The following SYT1 variants were observed in gnomAD, a reference collection of about 807,000 sequenced individuals.
The protein encoded by SYT1 is synaptotagmin 1, also known as synaptotagmin-1.
In SYT1, 8 loss-of-function variants were observed where a neutral mutation model predicts 44.8. The observed-to-expected ratio is 0.18, with a 90% confidence interval of 0.10 to 0.32. The LOEUF (loss-of-function observed/expected upper bound fraction) is 0.32, where lower values mean the gene tolerates loss of function less well. Ranked by LOEUF, SYT1 falls within the 10% of genes least tolerant of loss-of-function variation. The pLI is 1.00. For missense variants in SYT1, 286 were observed against 509.3 expected (o/e 0.56, Z 4.22); for synonymous variants, 154 against 188.8 (o/e 0.82, Z 1.51).
At chr12:79,087,584 T>A (rs1212452141) in intron 3 of SYT1, among the ~76,000 whole-genome samples, 3 of 152,012 alleles carry the variant, frequency 2.0e-5, no homozygotes, top group Non-Finnish European at 4.4e-5. Context: ...GAGGGGAAGC[T>A]TTGCAGGCAA....
intron 8 of SYT1, among the ~76,000 whole-genome samples, chr12:79,314,205 T>G (rs1565904636): frequency 1.3e-5 from 2 of 151,816 alleles, no homozygotes; most frequent in African/African-American, 2.4e-5. Flanking sequence ...TAGCGGTTTT[T>G]GTTATTAAAA....
At chr12:79,229,469 T>G (rs533235242) in intron 4 of SYT1, among the ~76,000 whole-genome samples, 2 of 152,334 alleles carry the variant, frequency 1.3e-5, no homozygotes, top group South Asian at 4.1e-4. Flanking sequence ...TTAGTTTAAT[T>G]TTGACTCAAA....
chr12:79,012,615 C>T (rs1871487115), intron 2 of SYT1, among the ~76,000 whole-genome samples: 1 of 152,066 alleles, frequency 6.6e-6, no homozygotes, highest in Admixed American at 6.6e-5. Context: ...GTCACGTCAC[C>T]ATTATATAGC....
chr12:78,922,002 AAAC>A (rs1877035649), intron 1 of SYT1, among the ~76,000 whole-genome samples: 1 of 151,978 alleles, frequency 6.6e-6, no homozygotes, highest in Non-Finnish European at 1.5e-5. Context: ...ATAAAAAAAA[AAAC>A]TTTTGATCAT....
At chr12:78,876,880 A>C (rs1355203136) in intron 1 of SYT1, among the ~76,000 whole-genome samples, 1 of 63,202 alleles carries the variant, frequency 1.6e-5, no homozygotes, top group Admixed American at 2.1e-4. Context: ...TATTATATGT[A>C]TTATATATAA....
intron 4 of SYT1, among the ~76,000 whole-genome samples, chr12:79,247,608 A>G (rs1026748030): frequency 6.6e-6 from 1 of 152,192 alleles, no homozygotes; most frequent in East Asian, 1.9e-4. Context: ...TAGATTGTTT[A>G]GCAACCACCT....
chr12:78,881,695 C>T (rs559733587), intron 1 of SYT1, among the ~76,000 whole-genome samples: 4 of 151,234 alleles, frequency 2.6e-5, no homozygotes, highest in South Asian at 4.2e-4. Flanking sequence ...AAGTAACCTT[C>T]GCTTGGTAAT....
intron 3 of SYT1, among the ~76,000 whole-genome samples, chr12:79,171,656 A>G (rs968218387): frequency 6.6e-6 from 1 of 151,924 alleles, no homozygotes; most frequent in Non-Finnish European, 1.5e-5. Flanking sequence ...AAACCACTGC[A>G]TGATTTTCCA....
chr12:79,338,832 C>T (rs539311293), intron 8 of SYT1, among the ~76,000 whole-genome samples: 91 of 152,102 alleles, frequency 6.0e-4, no homozygotes, highest in African/African-American at 2.0e-3. Flanking sequence ...CCCCCGACCC[C>T]ACAACAGGCC....
At chr12:79,154,840 G>GA (rs377309461) in intron 3 of SYT1, among the ~76,000 whole-genome samples, 1 of 151,928 alleles carries the variant, frequency 6.6e-6, no homozygotes, top group Non-Finnish European at 1.5e-5. Context: ...GGTTTTGGGG[G>GA]AAAAAAATGC....
At chr12:79,013,548 C>T (rs1321736018) in intron 2 of SYT1, among the ~76,000 whole-genome samples, 1 of 152,174 alleles carries the variant, frequency 6.6e-6, no homozygotes, top group Non-Finnish European at 1.5e-5. Flanking sequence ...TTCTCACTAA[C>T]TCATCTCCCC....
chr12:78,921,855 G>A (rs1039348267), intron 1 of SYT1, among the ~76,000 whole-genome samples: 4 of 151,864 alleles, frequency 2.6e-5, no homozygotes, highest in Non-Finnish European at 4.4e-5. Flanking sequence ...AAGATGATGA[G>A]GATGAGGTGA....
chr12:78,932,527 T>C (rs1336663614), intron 1 of SYT1, among the ~76,000 whole-genome samples: 1 of 152,240 alleles, frequency 6.6e-6, no homozygotes, highest in Non-Finnish European at 1.5e-5. Flanking sequence ...CAGTTTTAAA[T>C]ATTTTGATTT....
intron 2 of SYT1, among the ~76,000 whole-genome samples, chr12:78,989,466 C>CT (rs1301707009): frequency 6.6e-6 from 1 of 152,118 alleles, no homozygotes; most frequent in Admixed American, 6.5e-5. Context: ...CTCTGGGAGT[C>CT]TCAGGGCCTA....
intron 3 of SYT1, among the ~76,000 whole-genome samples, chr12:79,155,412 A>T (rs1380292320): frequency 6.6e-6 from 1 of 152,190 alleles, no homozygotes; most frequent in Non-Finnish European, 1.5e-5. Context: ...TTAATATAGA[A>T]ATCCATACTC....
chr12:79,403,175 T>G (rs1214521354), intron 9 of SYT1, among the ~76,000 whole-genome samples: 1 of 152,204 alleles, frequency 6.6e-6, no homozygotes, highest in African/African-American at 2.4e-5. Context: ...TGTATCTTCA[T>G]GCTTCAGCCA....
intron 3 of SYT1, among the ~76,000 whole-genome samples, chr12:79,165,058 G>C (rs1409320943): frequency 6.6e-6 from 1 of 151,960 alleles, no homozygotes; most frequent in Non-Finnish European, 1.5e-5. Context: ...TAATAGGGTT[G>C]TTGGTTTTTT....
At chr12:79,428,924 A>G (rs1483015704) in intron 9 of SYT1, among the ~76,000 whole-genome samples, 1 of 152,140 alleles carries the variant, frequency 6.6e-6, no homozygotes, top group South Asian at 2.1e-4. Flanking sequence ...ATTGTAGTAG[A>G]AGAAAGGGAG....
At chr12:78,894,330 G>GTTTTTTTTTTTTCTTTTTTTTTT (rs1875227830) in intron 1 of SYT1, among the ~76,000 whole-genome samples, 1 of 27,712 alleles carries the variant, frequency 3.6e-5, no homozygotes, top group African/African-American at 1.2e-4. Flanking sequence ...TTTTTAATCT[G>GTTTTTTTTTTTTCTTTTTTTTTT]TTTTTTTTTT....
Sources: gnomAD v4.1 joint callset for allele counts (sites outside exome capture counted in the v4.1 genomes callset) on GRCh38, gnomAD v4.1.1 for gene constraint, MANE v1.5 for transcripts, NCBI Gene and HGNC (gene_info 2026-07-23, HGNC 2026-07-21) for gene names.